The following TSPEAR variants were observed in gnomAD, a reference collection of about 807,000 sequenced individuals.
The protein encoded by TSPEAR is thrombospondin-type laminin G domain and EAR repeat-containing protein.
In TSPEAR, 69 loss-of-function variants were observed where a neutral mutation model predicts 71.6. The ratio of observed to expected loss-of-function variants is 0.96; its 90% CI spans 0.79 to 1.18. TSPEAR has a LOEUF of 1.18. TSPEAR is among the 50% of genes most tolerant of loss of function. The pLI is 0.00. For missense variants in TSPEAR, 971 were observed against 894.9 expected, an observed-to-expected ratio of 1.09 and a Z score of -1.09; for synonymous variants, 402 against 387.2, an observed-to-expected ratio of 1.04 and a Z score of -0.45.
intron 9 of TSPEAR, among the ~76,000 whole-genome samples, chr21:44,513,869 TGAGGGTA>T (rs1421492189): frequency 1.3e-5 from 2 of 152,076 alleles, no homozygotes. Flanking sequence ...GCATCCTCTC[TGAGGGTA>T]GCCAGCTCAG....
chr21:44,599,359 A>C (rs1980617066), intron 1 of TSPEAR, among the ~76,000 whole-genome samples: 1 of 152,172 alleles, frequency 6.6e-6, no homozygotes, highest in African/African-American at 2.4e-5. Flanking sequence ...TGGACTGGGA[A>C]ACACAGATAG....
At chr21:44,508,776 G>C in intron 10 of TSPEAR, 1 of 1,296,014 alleles carries the variant, frequency 7.7e-7, no homozygotes, top group African/African-American at 1.5e-5. Context: ...GCAACATCGG[G>C]GGAAGGAAGT....
intron 9 of TSPEAR, among the ~76,000 whole-genome samples, chr21:44,512,390 C>G (rs1370016785): frequency 2.0e-5 from 3 of 151,320 alleles, no homozygotes; most frequent in African/African-American, 7.3e-5. Flanking sequence ...GGGTGGTGGT[C>G]TTGGAGACAG....
In TSPEAR at chr21:44,528,450, A is replaced by C; in HGVS notation, c.922+2T>G. 6.2e-7 allele frequency: 1 copy of C among 1,613,818 alleles called. No individual in the cohort carries two copies. Among genetic ancestry groups the C allele is most frequent in the Non-Finnish European group, 8.5e-7 (1 of 1,179,982 alleles). On this transcript the variant is annotated splice_donor_variant, in intron 6 of 11. Coordinates refer to ENST00000323084, the MANE Select transcript of TSPEAR (RefSeq NM_144991.3). LOFTEE classifies it high-confidence loss of function. ...AACGCCCCGGGTGCAGGGCTGCCTC[A>C]CCTGCTAACACGGAGACCCACTCGT...
intron 1 of TSPEAR, among the ~76,000 whole-genome samples, chr21:44,639,315 T>C (rs1983884167): frequency 6.6e-6 from 1 of 151,910 alleles, no homozygotes; most frequent in Admixed American, 6.5e-5. Context: ...GCCAGGTCGC[T>C]GTGCGCATTT....
intron 5 of TSPEAR, among the ~76,000 whole-genome samples, chr21:44,529,112 G>A (rs1333612309): frequency 4.6e-5 from 7 of 152,188 alleles, no homozygotes; most frequent in African/African-American, 9.7e-5. Context: ...CATGCGGCCC[G>A]GATGTGTTGG....
chr21:44,638,013 A>G (rs781966748), intron 1 of TSPEAR: 53 of 1,612,318 alleles, frequency 3.3e-5, no homozygotes, highest in Middle Eastern at 1.6e-4. Flanking sequence ...CCTGTGTGCA[A>G]GTCCACCTGC....
intron 1 of TSPEAR, among the ~76,000 whole-genome samples, chr21:44,569,859 G>C (rs2053765497): frequency 6.6e-6 from 1 of 152,162 alleles, no homozygotes; most frequent in East Asian, 1.9e-4. Context: ...GCATCTTGGT[G>C]TGGGGGGATT....
At chr21:44,691,158 GAA>G (rs1331850822) in intron 1 of TSPEAR, among the ~76,000 whole-genome samples, 1 of 150,518 alleles carries the variant, frequency 6.6e-6, no homozygotes, top group Non-Finnish European at 1.5e-5. Flanking sequence ...GGTAACATCT[GAA>G]ATGTCTCCTA....
chr21:44,654,143 C>T (rs587685712), intron 1 of TSPEAR: 162 of 702,918 alleles, frequency 2.3e-4, no homozygotes, highest in Middle Eastern at 4.1e-4. Flanking sequence ...GTGACGGTGC[C>T]GCAAAGGAGG....
rs1555950379 is a variant in TSPEAR at position 44,695,739 on chromosome 21, G to A, written c.82+15694C>T. On this transcript the variant is annotated intron_variant, in intron 1 of 11. Transcript: ENST00000323084. This position sits in a 1 kb window ranked among gnomAD's most constrained non-coding sequence, Gnocchi z 4.5. ...CCAGGGTTCTCATCTCACCGCAGCG[G>A]GACAGGGGTACACGCCACACACCAG... 6.6e-6 allele frequency among the ~76,000 whole-genome samples: 1 copy of A among 152,150 alleles called. No homozygotes were observed. Among genetic ancestry groups the A allele is most frequent in the Non-Finnish European group, 1.5e-5 (1 of 68,030 alleles).
chr21:44,652,273 G>A lies in TSPEAR; in HGVS notation c.82+59160C>T, dbSNP rs1362883439. Among the ~76,000 whole-genome samples, 6 of 152,130 alleles carry A rather than the reference G, an allele frequency of 3.9e-5. No individual in the cohort carries two copies. The South Asian group carries it at 8.3e-4, about 21-fold the overall frequency. On this transcript the variant is annotated intron_variant, in intron 1 of 11. Coordinates refer to ENST00000323084, the MANE Select transcript of TSPEAR (RefSeq NM_144991.3). ...GCTGGGATGACAGGCGTGAGCCACCGCACCGGGCCCCATTCTCTAAAAGTT... is the reference window on the plus strand; with the variant it reads ...GCTGGGATGACAGGCGTGAGCCACCACACCGGGCCCCATTCTCTAAAAGTT...
intron 2 of TSPEAR, among the ~76,000 whole-genome samples, chr21:44,540,681 G>T (rs2146006647): frequency 6.6e-6 from 1 of 152,352 alleles, no homozygotes; most frequent in Admixed American, 6.5e-5. Flanking sequence ...GCAGTGGCCA[G>T]CGAACCCCAC....
chr21:44,560,409 A>G (rs1330169484), intron 2 of TSPEAR, among the ~76,000 whole-genome samples: 1 of 152,208 alleles, frequency 6.6e-6, no homozygotes, highest in Non-Finnish European at 1.5e-5. Context: ...CCTGCTGTCA[A>G]TATTAGACAG....
intron 10 of TSPEAR, chr21:44,508,004 A>G (rs1469397521): frequency 6.6e-6 from 1 of 152,200 alleles, no homozygotes; most frequent in Non-Finnish European, 1.5e-5. Context: ...TAAGTAAGAT[A>G]TTAGTAAGTT....
rs781788663 is a variant in TSPEAR, at chr21:44,612,506, T to C, written c.83-44501A>G. ...CTGCTGCAAGCCCGTGTGCTGCGTGTCCATCTGCTCTGGAGCTTCCTCCCC... is the reference window on the plus strand; with the variant it reads ...CTGCTGCAAGCCCGTGTGCTGCGTGCCCATCTGCTCTGGAGCTTCCTCCCC... On this transcript the variant is annotated intron_variant, in intron 1 of 11. Coordinates refer to ENST00000323084, the MANE Select transcript of TSPEAR (RefSeq NM_144991.3). The surrounding 1 kb of genome is among the most constrained non-coding windows in gnomAD (Gnocchi z 4.1). 6.2e-7 allele frequency: 1 copy of C among 1,608,492 alleles called. No homozygotes were observed.
intron 1 of TSPEAR, among the ~76,000 whole-genome samples, chr21:44,578,874 C>T (rs782056611): frequency 1.3e-5 from 2 of 152,190 alleles, no homozygotes; most frequent in Non-Finnish European, 2.9e-5. Context: ...CCTGCAGGTG[C>T]GGACTCTGGG....
At chr21:44,673,474 C>CT (rs1555946362) in intron 1 of TSPEAR, among the ~76,000 whole-genome samples, 1 of 152,120 alleles carries the variant, frequency 6.6e-6, no homozygotes, top group Non-Finnish European at 1.5e-5. Context: ...ATTATTAGAT[C>CT]TAAAGGAAGA....
rs202221435 is a variant in TSPEAR, at chr21:44,574,812, A to T, written c.83-6807T>A. 3.1e-4 allele frequency: 498 copies of T among 1,612,436 alleles called. No individual in the cohort carries two copies. In the African/African-American group the frequency reaches 5.6e-3, roughly 18 times the overall value. ...TAGCTGCCAGCCAGCTTGCTGCACC[A>T]CCTCCTGCTGCAGACCCTCCTCCTC... On this transcript the variant is annotated intron_variant, in intron 1 of 11. Transcript: ENST00000323084.
Sources: gnomAD v4.1 joint callset for allele counts (sites outside exome capture counted in the v4.1 genomes callset) on GRCh38, gnomAD v4.1.1 for gene constraint, Gnocchi (gnomAD v3.1) non-coding constraint, MANE v1.5 for transcripts, NCBI Gene and HGNC (gene_info 2026-07-23, HGNC 2026-07-21) for gene names.